LDLRAD3: variants seen among roughly 807,000 people sequenced by gnomAD.
The protein encoded by LDLRAD3 is low density lipoprotein receptor class A domain containing 3, also known as low-density lipoprotein receptor class A domain-containing protein 3.
A neutral mutation model predicts 29.4 loss-of-function variants in LDLRAD3; 20 were observed. The observed-to-expected ratio is 0.68, with a 90% confidence interval of 0.48 to 0.99. The LOEUF is 0.99. LDLRAD3 is among the 50% of genes least tolerant of loss of function. The pLI, the probability that LDLRAD3 is intolerant of heterozygous loss-of-function variation, is 0.00. For missense variants in LDLRAD3, 420 were observed against 454.3 expected (o/e 0.92, Z 0.69); for synonymous variants, 157 against 192.7 (o/e 0.81, Z 1.53).
intron 2 of LDLRAD3, among the ~76,000 whole-genome samples, chr11:36,062,637 G>T (rs190287612): frequency 6.6e-6 from 1 of 152,136 alleles, no homozygotes; most frequent in Non-Finnish European, 1.5e-5. Flanking sequence ...TAATCATGGG[G>T]GTGGTTACCT....
intron 2 of LDLRAD3, among the ~76,000 whole-genome samples, chr11:36,036,698 G>A (rs1435118457): frequency 6.6e-6 from 1 of 152,140 alleles, no homozygotes; most frequent in African/African-American, 2.4e-5. Context: ...GATTAAATGA[G>A]GCATAGCATC....
intron 4 of LDLRAD3, among the ~76,000 whole-genome samples, chr11:36,160,662 G>A (rs114250422): frequency 0.011 from 1,742 of 151,796 alleles, 36 homozygotes; most frequent in African/African-American, 0.039. Flanking sequence ...CATAGGTATC[G>A]TTTACCCTTT....
intron 1 of LDLRAD3, among the ~76,000 whole-genome samples, chr11:35,952,994 G>A (rs1443495650): frequency 6.6e-6 from 1 of 152,208 alleles, no homozygotes; most frequent in Non-Finnish European, 1.5e-5. Flanking sequence ...AAAGTAGGCA[G>A]TGATGTCTTG....
At chr11:36,136,774 CCT>C (rs1008547577) in intron 4 of LDLRAD3, among the ~76,000 whole-genome samples, 1 of 152,072 alleles carries the variant, frequency 6.6e-6, no homozygotes, top group East Asian at 1.9e-4. Flanking sequence ...CACGGTTACC[CCT>C]GTCTCCTGAG....
intron 4 of LDLRAD3, 93 bp downstream of exon 4, chr11:36,098,554 T>C: frequency 7.0e-7 from 1 of 1,432,922 alleles, no homozygotes. Flanking sequence ...CCATTCCCAT[T>C]CCAAACACAA....
At chr11:36,140,953 A>G (rs1245552122) in intron 4 of LDLRAD3, among the ~76,000 whole-genome samples, 1 of 149,068 alleles carries the variant, frequency 6.7e-6, no homozygotes, top group Admixed American at 6.8e-5. Flanking sequence ...GAAATGTGAC[A>G]AAATCCTAGC....
At chr11:36,179,705 G>A (rs572577549) in intron 4 of LDLRAD3, among the ~76,000 whole-genome samples, 13 of 151,850 alleles carry the variant, frequency 8.6e-5, no homozygotes, top group African/African-American at 1.9e-4. Context: ...ATAAAACAAC[G>A]GATGTAGCTG....
intron 2 of LDLRAD3, among the ~76,000 whole-genome samples, chr11:36,037,586 T>G (rs1852320983): frequency 1.3e-5 from 2 of 152,212 alleles, no homozygotes. Context: ...GTGCTGGGAT[T>G]ACAGGCATGA....
At position 35,944,308 on chromosome 11, in the gene LDLRAD3, G is replaced by T. The variant is rs1361199077; in HGVS notation, c.46+164G>T. On this transcript the variant is annotated intron_variant, in intron 1 of 5. Coordinates refer to ENST00000315571, the MANE Select transcript of LDLRAD3 (RefSeq NM_174902.4). This position sits in a 1 kb window ranked among gnomAD's most constrained non-coding sequence, Gnocchi z 4.9. ...GCGCCGGGCTGGCCCGGACCCTGCC[G>T]AGGGGCCGCCGCGGGGTGCGAGCCG... Among the ~76,000 whole-genome samples, 1 of 151,456 alleles carries T rather than the reference G, an allele frequency of 6.6e-6. No homozygotes were observed. The highest frequency in any genetic ancestry group is 2.1e-4 in the South Asian group (1 of 4,832).
intron 1 of LDLRAD3, among the ~76,000 whole-genome samples, chr11:35,955,636 A>G (rs896471377): frequency 6.6e-6 from 1 of 152,248 alleles, no homozygotes; most frequent in African/African-American, 2.4e-5. Flanking sequence ...GGTTACTGCA[A>G]ATGACAAAAG....
chr11:36,109,189 C>T (rs919052850), intron 4 of LDLRAD3, among the ~76,000 whole-genome samples: 1 of 152,132 alleles, frequency 6.6e-6, no homozygotes, highest in African/African-American at 2.4e-5. Flanking sequence ...CTCAGAAGAA[C>T]CGGAGTGGAG....
chr11:36,065,810 C>CA (rs1852782141), intron 2 of LDLRAD3, among the ~76,000 whole-genome samples: 1 of 152,108 alleles, frequency 6.6e-6, no homozygotes, highest in African/African-American at 2.4e-5. Flanking sequence ...TGTTTTGAGA[C>CA]AAAACCTGAG....
At chr11:36,139,907 G>A (rs1854056662) in intron 4 of LDLRAD3, among the ~76,000 whole-genome samples, 1 of 152,226 alleles carries the variant, frequency 6.6e-6, no homozygotes, top group Admixed American at 6.5e-5. Context: ...TGTGCTGTGG[G>A]TTTAGAGCTG....
Position 36,086,681 on chromosome 11 carries a change from G to A in LDLRAD3, c.319+4903G>A, listed in dbSNP as rs146054255. ...TTCTTAGTGTCTCTGGTTCTTTCCA[G>A]TTCCCTGGGGCTCCAAAAGGGAGAA... On this transcript the variant is annotated intron_variant, in intron 3 of 5. Coordinates refer to ENST00000315571, the MANE Select transcript of LDLRAD3 (RefSeq NM_174902.4). 3.3e-5 allele frequency among the ~76,000 whole-genome samples: 5 copies of A among 152,234 alleles called. No homozygotes were observed. The East Asian group carries it at 9.7e-4, about 29-fold the overall frequency.
intron 4 of LDLRAD3, among the ~76,000 whole-genome samples, chr11:36,196,043 A>AG (rs1303581008): frequency 6.6e-6 from 1 of 150,966 alleles, no homozygotes; most frequent in Non-Finnish European, 1.5e-5. Flanking sequence ...AAAAAAAAAA[A>AG]GCATACCCCA....
chr11:36,097,630 G>A (rs1428369648), intron 3 of LDLRAD3, among the ~76,000 whole-genome samples: 1 of 152,164 alleles, frequency 6.6e-6, no homozygotes, highest in Non-Finnish European at 1.5e-5. Context: ...AAGGGAGGAA[G>A]ATAAAGAGAT....
intron 1 of LDLRAD3, among the ~76,000 whole-genome samples, chr11:35,946,962 G>A (rs1466510779): frequency 6.6e-6 from 1 of 152,136 alleles, no homozygotes. Context: ...TGTGACTAAG[G>A]CTCCCTACTG....
Position 36,191,538 on chromosome 11 carries a change from G to GTCTCTCTCTCTC in LDLRAD3, c.455-35519_455-35508dup, listed in dbSNP as rs751965155. Among the ~76,000 whole-genome samples, 222 of 55,650 alleles carry GTCTCTCTCTCTC rather than the reference G, an allele frequency of 4.0e-3. 3 individuals carry two copies. The highest frequency in any genetic ancestry group is 0.012 in the East Asian group (18 of 1,536). 36.5% of individuals were successfully genotyped at this position (55,650 alleles called of 152,430 possible). A position where few individuals can be genotyped will look rare whatever the true frequency, so the allele number is the denominator to read the frequency against. On this transcript the variant is annotated intron_variant, in intron 4 of 5. Coordinates refer to ENST00000315571, the MANE Select transcript of LDLRAD3 (RefSeq NM_174902.4). Reference sequence around the variant, plus strand: ...AGCCTGGGTGACAGAGCAAGACCCTGTCTCTCTCTCTCTCTCTCTCTCTCT... The same window carrying GTCTCTCTCTCTC: ...AGCCTGGGTGACAGAGCAAGACCCTGTCTCTCTCTCTCTCTCTCTCTCTCTCTCTCTCTCTCT...
intron 1 of LDLRAD3, among the ~76,000 whole-genome samples, chr11:35,994,729 T>C (rs947659786): frequency 2.6e-5 from 4 of 152,244 alleles, no homozygotes; most frequent in Non-Finnish European, 2.9e-5. Context: ...GTCAGTCTTC[T>C]CAAACCCTGC....
Sources: gnomAD v4.1 joint callset for allele counts (sites outside exome capture counted in the v4.1 genomes callset) on GRCh38, gnomAD v4.1.1 for gene constraint, Gnocchi (gnomAD v3.1) non-coding constraint, MANE v1.5 for transcripts, NCBI Gene and HGNC (gene_info 2026-07-23, HGNC 2026-07-21) for gene names.